The following FAM162B variants were observed in gnomAD, a reference collection of about 807,000 sequenced individuals.
FAM162B encodes the protein protein FAM162B.
Under a neutral mutation model 20.0 loss-of-function variants are expected in FAM162B, and 16 were observed. The ratio of observed to expected loss-of-function variants is 0.80; its 90% CI spans 0.54 to 1.21. The LOEUF is 1.21. Among genes scored for constraint, FAM162B ranks in the 50% most tolerant of loss-of-function variants. The pLI is 0.00. For missense variants in FAM162B, 260 were observed against 227.5 expected, an observed-to-expected ratio of 1.14 and a Z score of -0.92; for synonymous variants, 83 against 89.7, an observed-to-expected ratio of 0.93 and a Z score of 0.42.
At chr6:116,764,113 C>G (rs2114554194) in intron 2 of FAM162B, among the ~76,000 whole-genome samples, 1 of 152,180 alleles carries the variant, frequency 6.6e-6, no homozygotes, top group East Asian at 1.9e-4. Flanking sequence ...CACCCCACCC[C>G]CTAGCTATCT....
At chr6:116,765,038 G>T in intron 2 of FAM162B, 109 bp downstream of exon 2, 3 of 940,490 alleles carry the variant, frequency 3.2e-6, no homozygotes, top group Non-Finnish European at 5.1e-6. Context: ...GCGAAGTGTT[G>T]GCACTGCGGC....
chr6:116,763,476 A>C (rs951079064), intron 2 of FAM162B, among the ~76,000 whole-genome samples: 2 of 152,306 alleles, frequency 1.3e-5, no homozygotes, highest in African/African-American at 4.8e-5. Context: ...TAATAAAATG[A>C]AAAATACTCA....
chr6:116,759,534 C>T (rs1445785386), intron 3 of FAM162B, among the ~76,000 whole-genome samples: 1 of 151,822 alleles, frequency 6.6e-6, no homozygotes, highest in Non-Finnish European at 1.5e-5. Flanking sequence ...ATCTCGATTT[C>T]CTGACCTTGT....
rs1771895987 is a variant in FAM162B at position 116,765,525 on chromosome 6, G to A, written c.52C>T (p.Arg18Cys). The A allele has an allele frequency of 3.6e-6, 5 of 1,397,564 alleles. No homozygotes were observed. The highest frequency in any genetic ancestry group is 2.7e-4 in the Middle Eastern group (1 of 3,766). The allele number at this position is 1,397,564 out of a possible 1,614,324, so 86.6% of individuals were successfully genotyped here. ...TCGAGAGGCGCCCCGGGGCCGCAGC[G>A]GACTGTTAGCCCGCGGCCAAGGCGC... ...LLRLGRGLTVRCGPGAPLEAT... is the reference protein window; with the variant it reads ...LLRLGRGLTVCCGPGAPLEAT... Residue 18 changes from arginine to cysteine, a missense_variant, in exon 1 of 4, where the codon CGC (arginine) becomes TGC (cysteine). Coordinates refer to ENST00000368557, the MANE Select transcript of FAM162B (RefSeq NM_001085480.3).
intron 3 of FAM162B, among the ~76,000 whole-genome samples, chr6:116,759,637 A>G (rs867643784): frequency 1.6e-4 from 25 of 152,266 alleles, no homozygotes; most frequent in Middle Eastern, 3.4e-3. Context: ...TTTTGAATAA[A>G]GAGGAGAGTG....
chr6:116,754,469 G>C (rs9320579), intron 3 of FAM162B, among the ~76,000 whole-genome samples: 1 of 151,972 alleles, frequency 6.6e-6, no homozygotes, highest in Non-Finnish European at 1.5e-5. Context: ...TAAGAACTAC[G>C]ATGTCCACTG....
intron 3 of FAM162B, among the ~76,000 whole-genome samples, chr6:116,759,458 G>A (rs1375326651): frequency 1.3e-5 from 2 of 151,248 alleles, no homozygotes; most frequent in Non-Finnish European, 3.0e-5. Context: ...CCGCCACCAC[G>A]CCTGGCTAAT....
chr6:116,762,171 TC>T, intron 2 of FAM162B, 86 bp from the exon 3 acceptor site: 1 of 1,109,792 alleles, frequency 9.0e-7, no homozygotes, highest in Non-Finnish European at 1.2e-6. Flanking sequence ...ATGTAAACAT[TC>T]CAAAAAATTC....
rs961440364 is a variant in FAM162B, at chr6:116,765,208, T to C, written c.220A>G (p.Lys74Glu). 8.1e-6 allele frequency: 13 copies of C among 1,613,800 alleles called. No homozygotes were observed. The highest frequency in any genetic ancestry group is 1.1e-5 in the Non-Finnish European group (13 of 1,179,966). The change falls in exon 2 of 4, where the codon AAG (lysine) becomes GAG (glutamate). Residue 74 changes from lysine to glutamate, a missense_variant. Lys to Glu is a moderately conservative substitution (Grantham distance 56). Coordinates refer to ENST00000368557, the MANE Select transcript of FAM162B (RefSeq NM_001085480.3). ...CGCCCTGTCCACAGCAGGATTTTCT[T>C]GTCGAACTGCGAAGGCCTGCGCTGC... ...PTQRRPSQFD[K>E]KILLWTGRFK...
At chr6:116,764,498 G>C (rs760614749) in intron 2 of FAM162B, among the ~76,000 whole-genome samples, 1 of 151,992 alleles carries the variant, frequency 6.6e-6, no homozygotes, top group Non-Finnish European at 1.5e-5. Context: ...TTACCTTAGA[G>C]GGGGAGTTAT....
Position 116,765,533 on chromosome 6 carries a change from A to C in FAM162B, c.44T>G (p.Leu15Arg). 7.2e-7 allele frequency: 1 copy of C among 1,391,662 alleles called. No individual in the cohort carries two copies. Among genetic ancestry groups the C allele is most frequent in the Non-Finnish European group, 9.2e-7 (1 of 1,081,210 alleles). The allele number at this position is 1,391,662 out of a possible 1,614,324, so 86.2% of individuals were successfully genotyped here. ...CGCCCCGGGGCCGCAGCGGACTGTT[A>C]GCCCGCGGCCAAGGCGCAGTAGGCT... ...VGSLLRLGRG[L>R]TVRCGPGAPL... Residue 15 changes from leucine to arginine, a missense_variant, in exon 1 of 4, where the codon CTA (leucine) becomes CGA (arginine). Transcript: ENST00000368557.
In FAM162B at chr6:116,765,601, C is replaced by T. The variant is rs897432068; in HGVS notation, c.-25G>A. The T allele has an allele frequency of 3.4e-5, 44 of 1,306,962 alleles. No individual in the cohort carries two copies. The highest frequency in any genetic ancestry group is 2.8e-4 in the Middle Eastern group (1 of 3,518). The allele number at this position is 1,306,962 out of a possible 1,614,324, so 81.0% of individuals were successfully genotyped here. A position where few individuals can be genotyped will look rare whatever the true frequency, so the allele number is the denominator to read the frequency against. On this transcript the variant is annotated 5_prime_UTR_variant, in exon 1 of 4. It adds an upstream start codon to the 5' untranslated region. Transcript: ENST00000368557. The stretch of plus-strand genomic sequence containing the variant: ...TGCTGCCCGCTTGTCCCGCGCCGCA[C>T]CCGCACCTCCGGACCCAGCCACAGG...
At chr6:116,762,568 C>G (rs943196655) in intron 2 of FAM162B, among the ~76,000 whole-genome samples, 2 of 152,004 alleles carry the variant, frequency 1.3e-5, no homozygotes, top group South Asian at 2.1e-4. Context: ...CATGCTACCC[C>G]CAAAAGACAC....
intron 3 of FAM162B, 48 bp from the exon 4 acceptor site, chr6:116,752,743 T>C (rs1183015667): frequency 1.5e-5 from 4 of 263,194 alleles, no homozygotes; most frequent in Non-Finnish European, 2.3e-5. Flanking sequence ...TAGATACACG[T>C]ATATATATAT....
rs772471698 is a variant in FAM162B, at chr6:116,765,188, T to G, written c.240A>C (p.Thr80=). ...TCTCCTCCATCGATTTGAAACGCCC[T>G]GTCCACAGCAGGATTTTCTTGTCGA... ...SQFDKKILLW[T]GRFKSMEEIP... is the part of the protein sequence containing the mutation. The change falls in exon 2 of 4, where the codon ACA becomes ACC. Residue 80 remains threonine, a synonymous_variant. Transcript: ENST00000368557. 1 of 1,613,930 alleles carries G rather than the reference T, an allele frequency of 6.2e-7. No individual in the cohort carries two copies. The highest frequency in any genetic ancestry group is 8.5e-7 in the Non-Finnish European group (1 of 1,179,966).
chr6:116,758,297 G>A (rs1343526048), intron 3 of FAM162B, among the ~76,000 whole-genome samples: 4 of 152,182 alleles, frequency 2.6e-5, no homozygotes, highest in Admixed American at 6.5e-5. Flanking sequence ...CTGTGGAGGT[G>A]TAAGGTCTGA....
In FAM162B at chr6:116,765,684, G is replaced by A. The variant is rs1052854562; in HGVS notation, c.-108C>T. The A allele has an allele frequency of 7.5e-6, 9 of 1,194,710 alleles. No homozygotes were observed. The highest frequency in any genetic ancestry group is 3.1e-4 in the Middle Eastern group (1 of 3,196). The allele number at this position is 1,194,710 out of a possible 1,614,324, so 74.0% of individuals were successfully genotyped here. On this transcript the variant is annotated 5_prime_UTR_variant, in exon 1 of 4. Transcript: ENST00000368557. ...GGCCTGCCGCGCGCTGGAGAGCCTG[G>A]GACGTGCAGCTGGAACCCCTGGCGC...
Position 116,760,594 on chromosome 6 carries a change from A to G in FAM162B, c.390+1383T>C, listed in dbSNP as rs143570451. Among the ~76,000 whole-genome samples, 529 of 152,320 alleles carry G rather than the reference A, an allele frequency of 3.5e-3. 4 individuals carry two copies. The highest frequency in any genetic ancestry group is 0.012 in the African/African-American group (503 of 41,570). Reference sequence around the variant, plus strand: ...TTGATGTAGATGAGGCAATACACTAATCATCAAAATATTCCTAGAAACTAG... The same window carrying G: ...TTGATGTAGATGAGGCAATACACTAGTCATCAAAATATTCCTAGAAACTAG... On this transcript the variant is annotated intron_variant, in intron 3 of 3. Coordinates refer to ENST00000368557, the MANE Select transcript of FAM162B (RefSeq NM_001085480.3).
At position 116,765,629 on chromosome 6, in the gene FAM162B, T is replaced by C; in HGVS notation, c.-53A>G. 7.9e-7 allele frequency: 1 copy of C among 1,270,338 alleles called. No homozygotes were observed. The highest frequency in any genetic ancestry group is 9.9e-7 in the Non-Finnish European group (1 of 1,012,336). The allele number at this position is 1,270,338 out of a possible 1,614,324, so 78.7% of individuals were successfully genotyped here. ...GCACCTCCGGACCCAGCCACAGGCGTTGTCCCCGCAGCTCTCCTCGTCCCG... is the reference window on the plus strand; with the variant it reads ...GCACCTCCGGACCCAGCCACAGGCGCTGTCCCCGCAGCTCTCCTCGTCCCG... On this transcript the variant is annotated 5_prime_UTR_variant, in exon 1 of 4. Transcript: ENST00000368557.
Sources: gnomAD v4.1 joint callset for allele counts (sites outside exome capture counted in the v4.1 genomes callset) on GRCh38, gnomAD v4.1.1 for gene constraint, MANE v1.5 for transcripts, NCBI Gene and HGNC (gene_info 2026-07-23, HGNC 2026-07-21) for gene names.